The following ATL2 variants were observed in gnomAD, a reference collection of about 807,000 sequenced individuals.
ATL2 encodes atlastin GTPase 2, also known as atlastin-2.
Under a neutral mutation model 73.9 loss-of-function variants are expected in ATL2, and 31 were observed. The ratio of observed to expected loss-of-function variants is 0.42; its 90% CI spans 0.32 to 0.57. ATL2 has a LOEUF of 0.57. Among genes scored for constraint, ATL2 ranks in the 20% least tolerant of loss-of-function variants. The pLI is 0.14. For synonymous variants in ATL2, 291 were observed against 237.5 expected (o/e 1.23, Z -2.07); for missense variants, 738 against 702.6 (o/e 1.05, Z -0.57).
intron 2 of ATL2, among the ~76,000 whole-genome samples, chr2:38,324,752 T>C (rs906126908): frequency 6.6e-6 from 1 of 152,248 alleles, no homozygotes; most frequent in Non-Finnish European, 1.5e-5. Flanking sequence ...GTCTTTGACC[T>C]TGAAGACACT....
At chr2:38,369,288 T>G (rs955143228) in intron 1 of ATL2, among the ~76,000 whole-genome samples, 2 of 149,730 alleles carry the variant, frequency 1.3e-5, no homozygotes, top group African/African-American at 2.5e-5. Flanking sequence ...CCATCTCTAC[T>G]AAAAATACAA....
At chr2:38,325,687 CA>C (rs1668587219) in intron 2 of ATL2, among the ~76,000 whole-genome samples, 5 of 75,580 alleles carry the variant, frequency 6.6e-5, no homozygotes, top group East Asian at 3.8e-4. Flanking sequence ...CACACACACA[CA>C]CACACACCAG....
intron 1 of ATL2, among the ~76,000 whole-genome samples, chr2:38,347,854 C>T (rs368590877): frequency 6.6e-6 from 1 of 150,934 alleles, no homozygotes; most frequent in South Asian, 2.1e-4. Flanking sequence ...GCAACCTCTG[C>T]CTCCTGGGTT....
chr2:38,356,841 G>A (rs1297504996), intron 1 of ATL2, among the ~76,000 whole-genome samples: 1 of 152,070 alleles, frequency 6.6e-6, no homozygotes, highest in African/African-American at 2.4e-5. Context: ...CCTCTTGTAT[G>A]AACGGTCTAT....
At chr2:38,302,039 A>G (rs778567999) in intron 9 of ATL2, among the ~76,000 whole-genome samples, 10 of 152,188 alleles carry the variant, frequency 6.6e-5, no homozygotes, top group Non-Finnish European at 8.8e-5. Context: ...TAAGGCCCCA[A>G]TTTCAGTCCC....
intron 1 of ATL2, among the ~76,000 whole-genome samples, chr2:38,360,483 T>A (rs1429632561): frequency 1.3e-5 from 2 of 152,246 alleles, no homozygotes; most frequent in East Asian, 3.9e-4. Flanking sequence ...GGTCTCACTA[T>A]GTTGCCCAGG....
rs1318237001 is a variant in ATL2, at chr2:38,330,739, T to C, written c.364-11720A>G. Among the ~76,000 whole-genome samples, 4 of 152,198 alleles carry C rather than the reference T, an allele frequency of 2.6e-5. No homozygotes were observed. The South Asian group carries it at 8.3e-4, about 31-fold the overall frequency. On this transcript the variant is annotated intron_variant, in intron 2 of 12. Transcript: ENST00000378954. ...AAAAAAATGTTTGGATCTAAATAAA[T>C]GGAAAAATATCCCATATTCATGGAC...
chr2:38,326,806 G>A (rs189729507), intron 2 of ATL2, among the ~76,000 whole-genome samples: 21 of 152,080 alleles, frequency 1.4e-4, no homozygotes, highest in East Asian at 1.2e-3. Flanking sequence ...TGGTCAATAC[G>A]GCAAAACCCC....
intron 2 of ATL2, among the ~76,000 whole-genome samples, chr2:38,339,563 T>TA (rs1469671242): frequency 6.6e-6 from 1 of 152,064 alleles, no homozygotes; most frequent in Non-Finnish European, 1.5e-5. Flanking sequence ...AATATTGTGT[T>TA]AAAAATGAAA....
chr2:38,344,422 C>G (rs1452558959), intron 1 of ATL2, among the ~76,000 whole-genome samples: 1 of 152,130 alleles, frequency 6.6e-6, no homozygotes, highest in East Asian at 1.9e-4. Context: ...CCAGCCTGAC[C>G]AACATGGGGA....
intron 8 of ATL2, among the ~76,000 whole-genome samples, chr2:38,309,910 T>C (rs1017563144): frequency 5.3e-5 from 8 of 152,182 alleles, no homozygotes; most frequent in African/African-American, 1.9e-4. Flanking sequence ...TCCCCAAATG[T>C]TTTGCCAACA....
chr2:38,359,894 G>A (rs764665441), intron 1 of ATL2, among the ~76,000 whole-genome samples: 2 of 152,054 alleles, frequency 1.3e-5, no homozygotes, highest in Non-Finnish European at 2.9e-5. Flanking sequence ...TTGGGAGGCC[G>A]AGGCAGGTGG....
Position 38,315,344 on chromosome 2 carries a change from C to T in ATL2, c.604-10G>A. On this transcript the variant is annotated splice_polypyrimidine_tract_variant and intron_variant, in intron 4 of 12. Transcript: ENST00000378954. ...GAGACAGATTATATACCTGTTGAAA[C>T]AAAATTTATTTTGTTTTTTATTAGT... 1 of 1,499,224 alleles carries T rather than the reference C, an allele frequency of 6.7e-7. No homozygotes were observed. Among genetic ancestry groups the T allele is most frequent in the Non-Finnish European group, 8.8e-7 (1 of 1,133,940 alleles). 92.9% of individuals were successfully genotyped at this position (1,499,224 alleles called of 1,614,324 possible).
intron 1 of ATL2, among the ~76,000 whole-genome samples, chr2:38,349,966 A>G (rs1277972849): frequency 6.6e-6 from 1 of 152,224 alleles, no homozygotes; most frequent in Non-Finnish European, 1.5e-5. Flanking sequence ...TCTCTACCAA[A>G]TATGGACTAA....
At chr2:38,331,189 C>T (rs976988486) in intron 2 of ATL2, among the ~76,000 whole-genome samples, 4 of 151,922 alleles carry the variant, frequency 2.6e-5, no homozygotes, top group Non-Finnish European at 4.4e-5. Context: ...AATCCCATCA[C>T]TTTGGGAGGC....
At chr2:38,331,822 CATT>C (rs1385078072) in intron 2 of ATL2, among the ~76,000 whole-genome samples, 1 of 151,588 alleles carries the variant, frequency 6.6e-6, no homozygotes, top group Non-Finnish European at 1.5e-5. Context: ...TCTTTCACAT[CATT>C]ATTATGACAT....
At chr2:38,309,590 G>A (rs1468308240) in intron 8 of ATL2, 84 bp from the exon 9 acceptor site, 2 of 1,372,630 alleles carry the variant, frequency 1.5e-6, no homozygotes, top group Non-Finnish European at 2.0e-6. Flanking sequence ...TCTGTTTTAT[G>A]AAATAAGAAT....
Position 38,334,089 on chromosome 2 carries a change from G to T in ATL2, c.363+9179C>A, listed in dbSNP as rs577389098. 4.9e-5 allele frequency among the ~76,000 whole-genome samples: 7 copies of T among 142,808 alleles called. 1 individual carries two copies. In the East Asian group the frequency reaches 1.0e-3, roughly 20 times the overall value. 93.7% of individuals were successfully genotyped at this position (142,808 alleles called of 152,430 possible). A position where few individuals can be genotyped will look rare whatever the true frequency, so the allele number is the denominator to read the frequency against. On this transcript the variant is annotated intron_variant, in intron 2 of 12. Coordinates refer to ENST00000378954, the MANE Select transcript of ATL2 (RefSeq NM_001135673.4). ...CTGTCACCCAGGCTGGAATACAGTG[G>T]CATGGTCTCAGCTCACTGCAACCTC... is the stretch of plus-strand genomic sequence containing the variant.
intron 2 of ATL2, among the ~76,000 whole-genome samples, chr2:38,337,182 A>G (rs1158155522): frequency 1.3e-5 from 2 of 151,916 alleles, no homozygotes; most frequent in African/African-American, 4.8e-5. Flanking sequence ...AACAAAAACA[A>G]AAACGAAAAG....
Sources: allele counts gnomAD v4.1 joint callset (sites outside exome capture counted in the v4.1 genomes callset), GRCh38; gene constraint gnomAD v4.1.1; transcripts MANE v1.5; gene names NCBI Gene and HGNC (gene_info 2026-07-23, HGNC 2026-07-21).